The following HNF4A variants were observed in gnomAD, a reference collection of about 807,000 sequenced individuals.
HNF4A encodes hepatocyte nuclear factor 4-alpha.
HNF4A carries 15 observed loss-of-function variants against 52.4 expected under a neutral mutation model. That is an observed-to-expected ratio of 0.29 (90% CI 0.19 to 0.44). The LOEUF is 0.44. Among genes scored for constraint, HNF4A ranks in the 20% least tolerant of loss-of-function variants. The pLI, the probability that HNF4A is intolerant of heterozygous loss-of-function variation, is 1.00. For synonymous variants in HNF4A, 280 were observed against 264.4 expected (o/e 1.06, Z -0.57); for missense variants, 479 against 647.2 (o/e 0.74, Z 2.82).
intron 7 of HNF4A, among the ~76,000 whole-genome samples, chr20:44,423,357 C>T (rs566044788): frequency 4.1e-4 from 62 of 152,182 alleles, no homozygotes; most frequent in African/African-American, 1.4e-3. Flanking sequence ...ATAAGACATA[C>T]GCGTGCCCCT....
intron 1 of HNF4A, among the ~76,000 whole-genome samples, chr20:44,365,212 T>C (rs1462580787): frequency 6.6e-6 from 1 of 152,180 alleles, no homozygotes; most frequent in Non-Finnish European, 1.5e-5. Flanking sequence ...TGCTCTGTCA[T>C]GTGGGCTACA....
intron 1 of HNF4A, among the ~76,000 whole-genome samples, chr20:44,381,248 C>G (rs1015528954): frequency 2.0e-5 from 3 of 148,120 alleles, no homozygotes; most frequent in African/African-American, 7.4e-5. Flanking sequence ...GGTCCTCGTT[C>G]ATTCTCTGAA....
chr20:44,412,602 C>G (rs1370630677), intron 3 of HNF4A, among the ~76,000 whole-genome samples: 1 of 152,098 alleles, frequency 6.6e-6, no homozygotes, highest in Non-Finnish European at 1.5e-5. Flanking sequence ...GGCGACATGA[C>G]TTGAACGGAT....
chr20:44,387,417 A>T (rs924392329), intron 1 of HNF4A, among the ~76,000 whole-genome samples: 3 of 151,008 alleles, frequency 2.0e-5, no homozygotes, highest in Non-Finnish European at 4.4e-5. Context: ...GGTGGGGGCA[A>T]GTGGAATGAA....
At chr20:44,392,938 T>C (rs1029942869) in intron 1 of HNF4A, among the ~76,000 whole-genome samples, 1 of 152,244 alleles carries the variant, frequency 6.6e-6, no homozygotes, top group African/African-American at 2.4e-5. Flanking sequence ...CCCTCTTGGC[T>C]GGAGAACCTT....
chr20:44,375,421 CTT>C (rs1435590836), intron 1 of HNF4A, among the ~76,000 whole-genome samples: 1 of 151,400 alleles, frequency 6.6e-6, no homozygotes, highest in Non-Finnish European at 1.5e-5. Flanking sequence ...TTAGGTGTCA[CTT>C]GTCAATTTTT....
Position 44,373,951 on chromosome 20 carries a change from A to T in HNF4A, c.49+18098A>T, listed in dbSNP as rs542002487. 1.1e-4 allele frequency among the ~76,000 whole-genome samples: 16 copies of T among 152,194 alleles called. 1 individual carries two copies. The highest frequency in any genetic ancestry group is 3.9e-4 in the African/African-American group (16 of 41,526). On this transcript the variant is annotated intron_variant, in intron 1 of 9. Coordinates refer to the HNF4A transcript ENST00000316673. ...GTGATCCACCTACCTCAGCCTCCCA[A>T]ACTGCTGGGATTACAGGTGTGAGCC...
chr20:44,378,397 A>G (rs1472746027), intron 1 of HNF4A, among the ~76,000 whole-genome samples: 2 of 151,412 alleles, frequency 1.3e-5, no homozygotes, highest in African/African-American at 4.9e-5. Context: ...CCTCCCGAGT[A>G]GCTGGGGTTA....
In HNF4A at chr20:44,428,395, A is replaced by G. The variant is rs780920425; in HGVS notation, c.1190A>G (p.His397Arg). Residue 397 changes from histidine to arginine, a missense_variant, in exon 9 of 10, where the codon CAT becomes CGT. By Grantham distance (29) the His-to-Arg change is conservative (BLOSUM62 0). Transcript: ENST00000316099. ...CTGCACCCTCACCTGATGCAGGAAC[A>G]TATGGGAACCAACGTCATCGTTGCC... 5 of 1,614,146 alleles carry G rather than the reference A, an allele frequency of 3.1e-6. No individual in the cohort carries two copies. The highest frequency in any genetic ancestry group is 4.5e-5 in the East Asian group (2 of 44,892).
At chr20:44,391,227 C>T (rs1045243997) in intron 1 of HNF4A, among the ~76,000 whole-genome samples, 2 of 152,176 alleles carry the variant, frequency 1.3e-5, no homozygotes, top group African/African-American at 4.8e-5. Flanking sequence ...CCCTGCCACC[C>T]GCACCACCTG....
chr20:44,414,851 C>A (rs2063640849), intron 5 of HNF4A, among the ~76,000 whole-genome samples, 189 bp downstream of exon 5: 1 of 152,240 alleles, frequency 6.6e-6, no homozygotes, highest in Admixed American at 6.5e-5. Context: ...CCTCCAACAA[C>A]TCTATGAGGT....
At chr20:44,379,545 T>C (rs538599672) in intron 1 of HNF4A, among the ~76,000 whole-genome samples, 2 of 152,126 alleles carry the variant, frequency 1.3e-5, no homozygotes, top group African/African-American at 4.8e-5. Context: ...GTGTTTTGTT[T>C]GTTTGTTTGT....
intron 1 of HNF4A, among the ~76,000 whole-genome samples, chr20:44,370,146 C>T (rs1234444665): frequency 6.6e-6 from 1 of 152,086 alleles, no homozygotes; most frequent in Non-Finnish European, 1.5e-5. Flanking sequence ...CCCGCCTCAG[C>T]CCCCCCAAGT....
chr20:44,406,134 G>T lies in HNF4A; in HGVS notation c.192G>T (p.Gly64=). The change falls in exon 2 of 10, where the codon GGG becomes GGT. Residue 64 remains glycine, a synonymous_variant. Transcript: ENST00000316099. ...TCAGCGCCCTGTGTGCCATCTGCGG[G>T]GACCGGGCCACGGGCAAACACTACG... is the stretch of plus-strand genomic sequence containing the variant. The T allele has an allele frequency of 6.2e-7, 1 of 1,613,866 alleles. No homozygotes were observed. The highest frequency in any genetic ancestry group is 8.5e-7 in the Non-Finnish European group (1 of 1,180,040).
chr20:44,418,292 GA>G (rs1396271160), intron 5 of HNF4A, 132 bp from the exon 6 acceptor site: 2 of 779,958 alleles, frequency 2.6e-6, no homozygotes, highest in Non-Finnish European at 4.7e-6. Flanking sequence ...GTAGTTTTAT[GA>G]TGCCCATTTC....
intron 3 of HNF4A, chr20:44,408,196 C>G (rs1173458065): frequency 1.3e-5 from 2 of 156,962 alleles, no homozygotes; most frequent in East Asian, 1.9e-4. Context: ...TGAGCCCAGC[C>G]CATTGAACCT....
At chr20:44,418,976 A>T (rs1313943920) in intron 6 of HNF4A, among the ~76,000 whole-genome samples, 1 of 152,110 alleles carries the variant, frequency 6.6e-6, no homozygotes, top group Non-Finnish European at 1.5e-5. Context: ...GGGTTTCACC[A>T]TGTTGACCAG....
chr20:44,381,279 CTTTTT>C (rs11477724), intron 1 of HNF4A, among the ~76,000 whole-genome samples: 1 of 110,128 alleles, frequency 9.1e-6, no homozygotes, highest in Non-Finnish European at 1.8e-5. Flanking sequence ...TCAGTGAGAG[CTTTTT>C]TTTTTTTTTT....
chr20:44,398,312 C>A (rs763753739), upstream of HNF4A, among the ~76,000 whole-genome samples: 15 of 152,206 alleles, frequency 9.9e-5, no homozygotes, highest in Admixed American at 7.2e-4. Context: ...CTGTCTATTA[C>A]TGAACTATAG....
Sources: gnomAD v4.1 joint callset for allele counts (sites outside exome capture counted in the v4.1 genomes callset) on GRCh38, gnomAD v4.1.1 for gene constraint, MANE v1.5 for transcripts, NCBI Gene and HGNC (gene_info 2026-07-23, HGNC 2026-07-21) for gene names.